The following LUZP2 variants were observed in gnomAD, a reference collection of about 807,000 sequenced individuals.
LUZP2 encodes leucine zipper protein 2.
In LUZP2, 52 loss-of-function variants were observed where a neutral mutation model predicts 51.6. That is an observed-to-expected ratio of 1.01 (90% CI 0.81 to 1.27). The LOEUF (loss-of-function observed/expected upper bound fraction) is 1.27, where lower values mean the gene tolerates loss of function less well. Ranked by LOEUF, LUZP2 falls within the 50% of genes most tolerant of loss-of-function variation. The pLI is 0.00. For synonymous variants in LUZP2, 154 were observed against 137.3 expected, an observed-to-expected ratio of 1.12 and a Z score of -0.85; for missense variants, 436 against 395.4, an observed-to-expected ratio of 1.10 and a Z score of -0.87.
chr11:25,042,449 A>G (rs1348045361), intron 9 of LUZP2, among the ~76,000 whole-genome samples: 4 of 152,326 alleles, frequency 2.6e-5, no homozygotes, highest in South Asian at 2.1e-4. Flanking sequence ...ATGAGGGAAT[A>G]TTAAATTATT....
chr11:24,870,470 T>TACACACAC (rs377460741), intron 5 of LUZP2, among the ~76,000 whole-genome samples: 2 of 130,606 alleles, frequency 1.5e-5, no homozygotes, highest in African/African-American at 6.3e-5. Context: ...CACCAGTTCC[T>TACACACAC]ACACACACAC....
At chr11:24,986,240 G>A (rs1265598292) in intron 9 of LUZP2, among the ~76,000 whole-genome samples, 1 of 151,368 alleles carries the variant, frequency 6.6e-6, no homozygotes, top group Non-Finnish European at 1.5e-5. Context: ...TTAAATACAG[G>A]CATTATTAAA....
At chr11:24,843,852 T>C (rs982931536) in intron 5 of LUZP2, among the ~76,000 whole-genome samples, 1 of 152,160 alleles carries the variant, frequency 6.6e-6, no homozygotes, top group Admixed American at 6.6e-5. Flanking sequence ...ACAAGCTGTC[T>C]CTCTCTTTGC....
intron 1 of LUZP2, among the ~76,000 whole-genome samples, chr11:24,575,299 T>G (rs1438234570): frequency 1.3e-5 from 2 of 152,158 alleles, no homozygotes; most frequent in Non-Finnish European, 2.9e-5. Flanking sequence ...ACTCTATGTG[T>G]TTCCTTCTTG....
At chr11:24,568,361 A>C (rs947089748) in intron 1 of LUZP2, among the ~76,000 whole-genome samples, 2 of 129,158 alleles carry the variant, frequency 1.5e-5, no homozygotes, top group African/African-American at 6.2e-5. Context: ...CTCAGAAAAA[A>C]AAAAAAAAAA....
At chr11:24,926,794 A>T (rs1854287772) in intron 7 of LUZP2, among the ~76,000 whole-genome samples, 1 of 151,570 alleles carries the variant, frequency 6.6e-6, no homozygotes. Context: ...ATCTACATTT[A>T]GTTCCTTTAA....
chr11:24,722,972 T>C (rs1180646983), intron 1 of LUZP2, among the ~76,000 whole-genome samples: 1 of 151,884 alleles, frequency 6.6e-6, no homozygotes, highest in Non-Finnish European at 1.5e-5. Flanking sequence ...TAGGAAATTA[T>C]TTTAATACTT....
intron 4 of LUZP2, 41 bp from the exon 5 acceptor site, chr11:24,763,204 TG>T: frequency 2.3e-6 from 2 of 867,990 alleles, no homozygotes; most frequent in Non-Finnish European, 3.4e-6. Flanking sequence ...GCCATGGTAA[TG>T]AGTTTGGAAT....
intron 5 of LUZP2, among the ~76,000 whole-genome samples, chr11:24,814,174 T>G (rs1238748744): frequency 6.6e-6 from 1 of 152,242 alleles, no homozygotes; most frequent in Non-Finnish European, 1.5e-5. Context: ...ATTAATAACT[T>G]CCTCCTTTGC....
chr11:24,754,513 G>A (rs1191803726), intron 4 of LUZP2, among the ~76,000 whole-genome samples: 1 of 152,156 alleles, frequency 6.6e-6, no homozygotes, highest in Non-Finnish European at 1.5e-5. Flanking sequence ...GTTACATGAG[G>A]TGTTCATGAA....
At position 24,821,939 on chromosome 11, in the gene LUZP2, G is replaced by T. The variant is rs559481358; in HGVS notation, c.396+58631G>T. ...AATAGAAAAATAGAATATGAATTCT[G>T]TAGTAAAACTAACTTCTGTTCATAA... On this transcript the variant is annotated intron_variant, in intron 5 of 11. Transcript: ENST00000336930. Among the ~76,000 whole-genome samples, 6 of 150,306 alleles carry T rather than the reference G, an allele frequency of 4.0e-5. No homozygotes were observed. In the South Asian group the frequency reaches 1.2e-3, roughly 31 times the overall value.
chr11:24,648,236 T>C (rs771059384), intron 1 of LUZP2, among the ~76,000 whole-genome samples: 1 of 151,912 alleles, frequency 6.6e-6, no homozygotes, highest in African/African-American at 2.4e-5. Context: ...GCACATCTAT[T>C]CATGTAGGTA....
intron 1 of LUZP2, among the ~76,000 whole-genome samples, chr11:24,543,704 C>A (rs1851449893): frequency 6.6e-6 from 1 of 150,938 alleles, no homozygotes. Context: ...GACTGTAATC[C>A]CAGCTACTCA....
At chr11:24,550,008 T>C (rs536450031) in intron 1 of LUZP2, among the ~76,000 whole-genome samples, 38 of 152,182 alleles carry the variant, frequency 2.5e-4, no homozygotes, top group African/African-American at 8.9e-4. Flanking sequence ...ACCACCCTCT[T>C]CTGAAATGGA....
chr11:24,912,401 A>C (rs1853661511), intron 6 of LUZP2, among the ~76,000 whole-genome samples: 1 of 152,168 alleles, frequency 6.6e-6, no homozygotes, highest in Non-Finnish European at 1.5e-5. Flanking sequence ...ATTGACAACA[A>C]ATTCAAGTTT....
At position 24,685,871 on chromosome 11, in the gene LUZP2, T is replaced by A. The variant is rs369557663; in HGVS notation, c.63-43298T>A. Among the ~76,000 whole-genome samples, 108 of 152,332 alleles carry A rather than the reference T, an allele frequency of 7.1e-4. 1 individual carries two copies. In the South Asian group the frequency reaches 0.022, roughly 30 times the overall value. On this transcript the variant is annotated intron_variant, in intron 1 of 11. Coordinates refer to ENST00000336930, the MANE Select transcript of LUZP2 (RefSeq NM_001009909.4). Reference sequence around the variant, plus strand: ...TAAATAAATAGTTTCCTAAGAAATTTAATTGTGAGTCTTGGCCACCTAATG... The same window carrying A: ...TAAATAAATAGTTTCCTAAGAAATTAAATTGTGAGTCTTGGCCACCTAATG...
chr11:24,844,149 A>T (rs566545006), intron 5 of LUZP2, among the ~76,000 whole-genome samples: 1 of 152,012 alleles, frequency 6.6e-6, no homozygotes, highest in Non-Finnish European at 1.5e-5. Context: ...AAAGTTTGAA[A>T]CTCCATATAG....
chr11:24,976,269 T>A (rs1352178232), intron 7 of LUZP2, among the ~76,000 whole-genome samples: 2 of 151,918 alleles, frequency 1.3e-5, no homozygotes, highest in Non-Finnish European at 2.9e-5. Context: ...CTATATCAAC[T>A]AGAAATATAA....
intron 1 of LUZP2, among the ~76,000 whole-genome samples, chr11:24,683,333 G>A (rs1048200427): frequency 6.6e-6 from 1 of 152,174 alleles, no homozygotes; most frequent in Non-Finnish European, 1.5e-5. Flanking sequence ...TCACATATCA[G>A]TAGGTAGTAC....
Sources: gnomAD v4.1 joint callset for allele counts (sites outside exome capture counted in the v4.1 genomes callset) on GRCh38, gnomAD v4.1.1 for gene constraint, MANE v1.5 for transcripts, NCBI Gene and HGNC (gene_info 2026-07-23, HGNC 2026-07-21) for gene names.